Variants in RIMBP2 observed in about 807,000 individuals in gnomAD.
The protein encoded by RIMBP2 is RIMS binding protein 2, also known as RIMS-binding protein 2.
RIMBP2 carries 48 observed loss-of-function variants against 118.6 expected under a neutral mutation model. The ratio of observed to expected loss-of-function variants is 0.40; its 90% CI spans 0.32 to 0.51. The LOEUF is 0.51. RIMBP2 is among the 20% of genes least tolerant of loss of function. The pLI is 0.41. For missense variants in RIMBP2, 1,551 were observed against 1,768.3 expected, an observed-to-expected ratio of 0.88 and a Z score of 2.20; for synonymous variants, 762 against 742.9, an observed-to-expected ratio of 1.03 and a Z score of -0.42.
chr12:130,658,817 G>A (rs7969329), intron 1 of RIMBP2: 79,311 of 152,140 alleles, frequency 0.52, 21,680 homozygotes, highest in Non-Finnish European at 0.62. Context: ...GTGAGTGATG[G>A]TCTTGCACAG....
At chr12:130,582,427 T>G (rs1005677822) in intron 2 of RIMBP2, among the ~76,000 whole-genome samples, 1 of 152,140 alleles carries the variant, frequency 6.6e-6, no homozygotes, top group Non-Finnish European at 1.5e-5. Context: ...CAGAGGCAGA[T>G]AGTGTGTGAT....
intron 11 of RIMBP2, among the ~76,000 whole-genome samples, chr12:130,441,266 C>T (rs570321529): frequency 2.6e-5 from 4 of 151,748 alleles, no homozygotes; most frequent in South Asian, 2.1e-4. Context: ...CCGAGCGTGG[C>T]GGCAGGTGCC....
At chr12:130,529,477 G>C (rs1254438696) in intron 2 of RIMBP2, among the ~76,000 whole-genome samples, 1 of 152,186 alleles carries the variant, frequency 6.6e-6, no homozygotes, top group Non-Finnish European at 1.5e-5. Context: ...AAGGAAAGAG[G>C]AGGGGCTACC....
intron 2 of RIMBP2, among the ~76,000 whole-genome samples, chr12:130,552,856 G>T (rs1336654867): frequency 6.6e-6 from 1 of 152,106 alleles, no homozygotes; most frequent in Admixed American, 6.6e-5. Flanking sequence ...TTATCTCAGA[G>T]AAAACAGGAC....
chr12:130,500,303 C>CA (rs570012993), intron 4 of RIMBP2, among the ~76,000 whole-genome samples: 1 of 152,070 alleles, frequency 6.6e-6, no homozygotes, highest in South Asian at 2.1e-4. Flanking sequence ...ACTAAAAATA[C>CA]AAAAATTAGC....
intron 1 of RIMBP2, among the ~76,000 whole-genome samples, chr12:130,642,606 G>A (rs2062673566): frequency 6.6e-6 from 1 of 152,142 alleles, no homozygotes. Flanking sequence ...TTATAAGTCA[G>A]ACTATCCGAC....
rs1160527418 is a variant in RIMBP2, at chr12:130,442,899, A to G, written c.692-239T>C. Among the ~76,000 whole-genome samples, 1 of 152,068 alleles carries G rather than the reference A, an allele frequency of 6.6e-6. No homozygotes were observed. On this transcript the variant is annotated intron_variant, in intron 10 of 22. Transcript: ENST00000690449. This position sits in a 1 kb window ranked among gnomAD's most constrained non-coding sequence, Gnocchi z 6.9. ...TCTCCATGATACTTATCGCAACCTG[A>G]AACCATCATGTTTGTGTATCCGTGT...
At chr12:130,399,642 G>A (rs752653797) in intron 22 of RIMBP2, 37 bp downstream of exon 22, 12 of 1,610,534 alleles carry the variant, frequency 7.5e-6, no homozygotes, top group African/African-American at 2.7e-5. Flanking sequence ...ATGGCAGAAC[G>A]GGACAGAGAT....
In RIMBP2 at chr12:130,441,992, A is replaced by C; in HGVS notation, c.1360T>G (p.Tyr454Asp). The C allele has an allele frequency of 6.2e-7, 1 of 1,614,142 alleles. No individual in the cohort carries two copies. The highest frequency in any genetic ancestry group is 8.5e-7 in the Non-Finnish European group (1 of 1,180,048). Reference protein sequence around the residue: ...EEFDIVKAARYKYQFFNLRPN... With the variant: ...EEFDIVKAARDKYQFFNLRPN... The stretch of plus-strand genomic sequence containing the variant: ...CTGAGATTGAAGAACTGGTACTTGT[A>C]CCTGGCGGCCTTGACGATGTCGAAC... The change falls in exon 11 of 23, where the codon TAC becomes GAC. Residue 454 changes from tyrosine (Y) to aspartate (D), a missense_variant. Tyr to Asp is a radical substitution (Grantham distance 160). Around this residue, in one of 5 missense-constraint regions of RIMBP2, gnomAD observed 265 missense variants for 349.5 expected, o/e 0.76. Coordinates refer to ENST00000690449, the MANE Select transcript of RIMBP2 (RefSeq NM_001393629.1).
intron 2 of RIMBP2, among the ~76,000 whole-genome samples, chr12:130,600,210 T>C (rs1422712117): frequency 6.6e-6 from 1 of 152,206 alleles, no homozygotes; most frequent in Non-Finnish European, 1.5e-5. Flanking sequence ...AGCACTGCCA[T>C]CTTGGACAAG....
chr12:130,491,975 G>A (rs981808688), intron 4 of RIMBP2, among the ~76,000 whole-genome samples: 2 of 152,202 alleles, frequency 1.3e-5, no homozygotes, highest in African/African-American at 2.4e-5. Flanking sequence ...CGGAACGAAC[G>A]AACCTGAAGC....
chr12:130,439,983 GGTGT>G (rs781105767), intron 11 of RIMBP2, among the ~76,000 whole-genome samples: 1 of 151,882 alleles, frequency 6.6e-6, no homozygotes, highest in South Asian at 2.1e-4. Flanking sequence ...GTGTGTGTGG[GGTGT>G]GTGTGAGTAT....
chr12:130,434,984 G>T lies in RIMBP2; in HGVS notation c.2107-104C>A. ...CTTCAGCCCCTCAGAGCCTGGCCAG[G>T]CACCCCCCACACAGTGCTTTGGGCC... is the stretch of plus-strand genomic sequence containing the variant. On this transcript the variant is annotated intron_variant, in intron 13 of 22. Transcript: ENST00000690449. This position sits in a 1 kb window ranked among gnomAD's most constrained non-coding sequence, Gnocchi z 5.7. 2 of 1,256,126 alleles carry T rather than the reference G, an allele frequency of 1.6e-6. No individual in the cohort carries two copies. The highest frequency in any genetic ancestry group is 1.1e-6 in the Non-Finnish European group (1 of 914,932). 77.8% of individuals were successfully genotyped at this position (1,256,126 alleles called of 1,614,324 possible). A position where few individuals can be genotyped will look rare whatever the true frequency, so the allele number is the denominator to read the frequency against.
At chr12:130,413,164 A>G (rs1202571114) in intron 18 of RIMBP2, among the ~76,000 whole-genome samples, 1 of 152,196 alleles carries the variant, frequency 6.6e-6, no homozygotes, top group African/African-American at 2.4e-5. Flanking sequence ...TCTGCCTGAA[A>G]TGGGTTCCTA....
intron 2 of RIMBP2, among the ~76,000 whole-genome samples, chr12:130,557,113 G>T (rs2056429530): frequency 6.6e-6 from 1 of 152,150 alleles, no homozygotes; most frequent in African/African-American, 2.4e-5. Flanking sequence ...TCATATGCCT[G>T]TGTCCTTATC....
At chr12:130,556,921 G>C (rs763316841) in intron 2 of RIMBP2, among the ~76,000 whole-genome samples, 1 of 152,102 alleles carries the variant, frequency 6.6e-6, no homozygotes, top group Non-Finnish European at 1.5e-5. Flanking sequence ...CTTGCATCTC[G>C]GCTTCTTGAT....
chr12:130,607,064 T>C (rs946815956), intron 2 of RIMBP2, among the ~76,000 whole-genome samples: 4 of 151,818 alleles, frequency 2.6e-5, no homozygotes, highest in Non-Finnish European at 5.9e-5. Flanking sequence ...ACTCCTGACC[T>C]CGTGATCTAC....
In RIMBP2 at chr12:130,566,277, T is replaced by A. The variant is rs142448024; in HGVS notation, c.-216-48360A>T. 3.1e-3 allele frequency among the ~76,000 whole-genome samples: 474 copies of A among 152,126 alleles called. 1 individual carries two copies. Among genetic ancestry groups the A allele is most frequent in the Middle Eastern group, 0.01 (3 of 294 alleles). On this transcript the variant is annotated intron_variant, in intron 2 of 22. Coordinates refer to ENST00000690449, the MANE Select transcript of RIMBP2 (RefSeq NM_001393629.1). ...GGCCCCACTTCCTGTAAGGCAATAA[T>A]AGAGAAAGTGGAGCTGCTATTGCCC... is the stretch of plus-strand genomic sequence containing the variant.
chr12:130,500,024 C>T (rs1593541571), intron 4 of RIMBP2, among the ~76,000 whole-genome samples: 3 of 152,198 alleles, frequency 2.0e-5, no homozygotes, highest in Non-Finnish European at 4.4e-5. Context: ...GGACTGTAGG[C>T]TTTGAAATTC....
Sources: allele counts gnomAD v4.1 joint callset (sites outside exome capture counted in the v4.1 genomes callset), GRCh38; gene constraint gnomAD v4.1.1; regional missense constraint gnomAD v4.1.1; non-coding constraint Gnocchi (gnomAD v3.1); transcripts MANE v1.5; gene names NCBI Gene and HGNC (gene_info 2026-07-23, HGNC 2026-07-21).